Variants in SMAP1 observed in about 807,000 individuals in gnomAD.
The protein encoded by SMAP1 is small ArfGAP 1.
A neutral mutation model predicts 58.5 loss-of-function variants in SMAP1; 24 were observed. The observed-to-expected ratio is 0.41, with a 90% CI of 0.30 to 0.58. The LOEUF (loss-of-function observed/expected upper bound fraction) is 0.58. Among genes scored for constraint, SMAP1 ranks in the 20% least tolerant of loss-of-function variants. The probability of loss-of-function intolerance (pLI) is 0.29; values close to 1 mark genes in which losing one functional copy is unlikely to be tolerated. For missense variants in SMAP1, 563 were observed against 566.3 expected, an observed-to-expected ratio of 0.99 and a Z score of 0.06; for synonymous variants, 216 against 196.6, an observed-to-expected ratio of 1.10 and a Z score of -0.82.
At chr6:70,775,074 TG>T (rs1461486760) in intron 4 of SMAP1, among the ~76,000 whole-genome samples, 3 of 152,094 alleles carry the variant, frequency 2.0e-5, no homozygotes, top group African/African-American at 7.2e-5. Context: ...AAGATATCCT[TG>T]TGTGTAGCAT....
intron 3 of SMAP1, among the ~76,000 whole-genome samples, chr6:70,770,925 T>C (rs1016868041): frequency 6.6e-5 from 10 of 152,212 alleles, no homozygotes; most frequent in East Asian, 1.9e-4. Context: ...AGATGGGTTT[T>C]TGGTGTGGAT....
In SMAP1 at chr6:70,802,293, C is replaced by G. The variant is rs549596441; in HGVS notation, c.576+3556C>G. On this transcript the variant is annotated intron_variant, in intron 6 of 10. Transcript: ENST00000370455. ...TTTGTAGCAGTTGTGAATGGGAATT[C>G]ACTCATGATTTGGCTCTCTGTCATT... is the stretch of plus-strand genomic sequence containing the variant. 2.6e-5 allele frequency among the ~76,000 whole-genome samples: 4 copies of G among 152,262 alleles called. No individual in the cohort carries two copies. The East Asian group carries it at 7.7e-4, about 29-fold the overall frequency.
At chr6:70,752,201 A>T (rs1766307617) in intron 2 of SMAP1, among the ~76,000 whole-genome samples, 1 of 152,168 alleles carries the variant, frequency 6.6e-6, no homozygotes, top group African/African-American at 2.4e-5. Flanking sequence ...CCAGTAGAAA[A>T]ATCATACAAC....
At chr6:70,811,918 T>A (rs1204541952) in intron 6 of SMAP1, among the ~76,000 whole-genome samples, 3 of 152,196 alleles carry the variant, frequency 2.0e-5, no homozygotes, top group Non-Finnish European at 4.4e-5. Flanking sequence ...ATACTATGAT[T>A]TTGATCTGAT....
chr6:70,855,397 T>C (rs1247722540), intron 8 of SMAP1, among the ~76,000 whole-genome samples: 1 of 152,190 alleles, frequency 6.6e-6, no homozygotes. Flanking sequence ...GTTTACAGTA[T>C]GTGAATATTA....
At chr6:70,852,751 C>T in intron 8 of SMAP1, 87 bp downstream of exon 8, 5 of 1,379,936 alleles carry the variant, frequency 3.6e-6, no homozygotes, top group Non-Finnish European at 4.8e-6. Context: ...AGAATTGTTT[C>T]TGAGCAGTAA....
intron 4 of SMAP1, among the ~76,000 whole-genome samples, chr6:70,784,691 CAA>C (rs1767924947): frequency 6.6e-6 from 1 of 152,114 alleles, no homozygotes; most frequent in Non-Finnish European, 1.5e-5. Context: ...CAACAAAGAT[CAA>C]AAGAGACAAA....
intron 4 of SMAP1, among the ~76,000 whole-genome samples, chr6:70,789,965 GAGGACAAGCACTTATATAATGA>G (rs1768272344): frequency 6.6e-6 from 1 of 152,046 alleles, no homozygotes; most frequent in Non-Finnish European, 1.5e-5. Flanking sequence ...TTCTCAAATG[GAGGACAAGCACTTATATAATGA>G]ATTATCTTGC....
intron 6 of SMAP1, among the ~76,000 whole-genome samples, chr6:70,825,275 C>G (rs1310697301): frequency 6.6e-6 from 1 of 152,118 alleles, no homozygotes; most frequent in Non-Finnish European, 1.5e-5. Context: ...GGTTGCAAAC[C>G]TATGAAGCCA....
At chr6:70,670,702 T>G (rs1766227849) in intron 1 of SMAP1, among the ~76,000 whole-genome samples, 1 of 152,220 alleles carries the variant, frequency 6.6e-6, no homozygotes, top group African/African-American at 2.4e-5. Context: ...TCAAAGTTAT[T>G]TCCTAGTTAA....
intron 4 of SMAP1, among the ~76,000 whole-genome samples, chr6:70,779,581 T>C (rs753482866): frequency 7.2e-5 from 11 of 152,136 alleles, no homozygotes; most frequent in Non-Finnish European, 1.5e-4. Context: ...CTTGCCACCA[T>C]GATGGGGAGT....
intron 4 of SMAP1, among the ~76,000 whole-genome samples, chr6:70,790,501 G>A (rs550355736): frequency 2.6e-5 from 4 of 151,772 alleles, no homozygotes; most frequent in Middle Eastern, 6.8e-3. Flanking sequence ...TTTAAGGCTC[G>A]ACTTTGCCTT....
intron 1 of SMAP1, among the ~76,000 whole-genome samples, chr6:70,699,240 T>G (rs961289048): frequency 6.6e-6 from 1 of 152,182 alleles, no homozygotes; most frequent in Non-Finnish European, 1.5e-5. Context: ...TCCCTTACTT[T>G]CCTGCAAACA....
intron 3 of SMAP1, among the ~76,000 whole-genome samples, chr6:70,768,227 T>A (rs10945249): frequency 6.6e-6 from 1 of 152,228 alleles, no homozygotes; most frequent in Non-Finnish European, 1.5e-5. Flanking sequence ...TGGTTGTGTC[T>A]CTGTCAGGCT....
chr6:70,793,756 T>TTGTTGCCCA (rs1411565190), intron 5 of SMAP1, among the ~76,000 whole-genome samples: 1 of 152,104 alleles, frequency 6.6e-6, no homozygotes, highest in African/African-American at 2.4e-5. Flanking sequence ...AGTTTCGCTC[T>TTGTTGCCCA]TGTTGCCCAT....
In SMAP1 at chr6:70,853,317, A is replaced by T. The variant is rs543447480; in HGVS notation, c.789+653A>T. 5.3e-5 allele frequency among the ~76,000 whole-genome samples: 8 copies of T among 152,278 alleles called. No homozygotes were observed. The East Asian group carries it at 1.5e-3, about 29-fold the overall frequency. ...AATTGCCTTCTTAACATTACATGGA[A>T]TTTTTGTAATGTGAACTGTATGAAC... On this transcript the variant is annotated intron_variant, in intron 8 of 10. Transcript: ENST00000370455.
chr6:70,728,266 G>A (rs1429673249), intron 1 of SMAP1, among the ~76,000 whole-genome samples: 1 of 152,150 alleles, frequency 6.6e-6, no homozygotes, highest in South Asian at 2.1e-4. Flanking sequence ...CACAGGCCCA[G>A]TGTGGTTAAT....
chr6:70,850,882 T>C (rs964189044), intron 7 of SMAP1, among the ~76,000 whole-genome samples: 4 of 152,116 alleles, frequency 2.6e-5, no homozygotes, highest in African/African-American at 7.2e-5. Context: ...AAAGTAGCGC[T>C]TTAAGGAGGT....
chr6:70,729,842 T>C (rs2149858585), intron 1 of SMAP1, among the ~76,000 whole-genome samples: 1 of 152,290 alleles, frequency 6.6e-6, no homozygotes, highest in East Asian at 1.9e-4. Flanking sequence ...TTAAAGATTG[T>C]GGAGAATGCT....
Sources: gnomAD v4.1 joint callset for allele counts (sites outside exome capture counted in the v4.1 genomes callset) on GRCh38, gnomAD v4.1.1 for gene constraint, MANE v1.5 for transcripts, NCBI Gene and HGNC (gene_info 2026-07-23, HGNC 2026-07-21) for gene names.